MYH2: variants seen among roughly 807,000 people sequenced by gnomAD.
MYH2 encodes the protein myosin heavy chain 2, also known as myosin-2.
MYH2 carries 139 observed loss-of-function variants against 228.1 expected under a neutral mutation model. The ratio of observed to expected loss-of-function variants is 0.61; its 90% CI spans 0.53 to 0.70. The LOEUF is 0.70. Ranked by LOEUF, MYH2 falls within the 30% of genes least tolerant of loss-of-function variation. The pLI is 0.00. For synonymous variants in MYH2, 796 were observed against 871.1 expected (o/e 0.91, Z 1.52); for missense variants, 1,809 against 2,357.5 (o/e 0.77, Z 4.82).
chr17:10,539,860 C>A (rs952092971), intron 12 of MYH2, 68 bp downstream of exon 12: 2 of 1,604,210 alleles, frequency 1.2e-6, no homozygotes, highest in Admixed American at 1.7e-5. Context: ...TAGGAAAATT[C>A]CTGGGTAACA....
chr17:10,531,755 T>G lies in MYH2; in HGVS notation c.2575A>C (p.Lys859Gln). 1.2e-6 allele frequency: 2 copies of G among 1,614,206 alleles called. No individual in the cohort carries two copies. The highest frequency in any genetic ancestry group is 1.7e-6 in the Non-Finnish European group (2 of 1,180,030). ...AETEKEMATM[K>Q]EEFQKIKDEL... ...TCTTTAATTTTCTGAAATTCTTCCT[T>G]CATGGTGGCCATCTCCTTCTCAGTT... The change falls in exon 22 of 40, where the codon AAG becomes CAG. Residue 859 changes from lysine to glutamine, a missense_variant. Coordinates refer to ENST00000245503, the MANE Select transcript of MYH2 (RefSeq NM_017534.6).
rs34211843 is a variant in MYH2, at chr17:10,526,665, A to G, written c.4121T>C (p.Val1374Ala). Residue 1374 changes from valine (V) to alanine (A), a missense_variant, in exon 30 of 40, where the codon GTT (valine) becomes GCT (alanine). Around this residue, in one of 9 missense-constraint regions of MYH2, gnomAD observed 636 missense variants for 729.9 expected, o/e 0.87. Transcript: ENST00000245503. ...QRALSKANTE[V>A]AQWRTKYETD... ...CTCGTATTTGGTCCTCCATTGGGCA[A>G]CCTCGGTGTTGGCCTTGGACAGTGC... is the stretch of plus-strand genomic sequence containing the variant. 1 of 1,613,828 alleles carries G rather than the reference A, an allele frequency of 6.2e-7. No individual in the cohort carries two copies. Among genetic ancestry groups the G allele is most frequent in the Non-Finnish European group, 8.5e-7 (1 of 1,179,904 alleles).
In MYH2 at chr17:10,547,984, T is replaced by G. The variant is rs576479857; in HGVS notation, c.-20-44A>C. The G allele has an allele frequency of 4.0e-5, 60 of 1,493,664 alleles. 1 individual carries two copies. The South Asian group carries it at 6.9e-4, about 17-fold the overall frequency. The allele number at this position is 1,493,664 out of a possible 1,614,324, so 92.5% of individuals were successfully genotyped here. On this transcript the variant is annotated intron_variant, in intron 2 of 39. Transcript: ENST00000245503. ...TCACATTAGAGAGTCTGGATTGCCA[T>G]GTATACCAATAAATCTTAATATTTA...
In MYH2 at chr17:10,521,283, C is replaced by T; in HGVS notation, c.5823G>A (p.Glu1941=). 6.2e-7 allele frequency: 1 copy of T among 1,613,690 alleles called. No homozygotes were observed. The highest frequency in any genetic ancestry group is 1.1e-5 in the South Asian group (1 of 91,066). The part of the protein sequence containing the change: ...REVHTKVISE[E] ...ATTCCATGGCATCAGGACATGATCA[C>T]TCTTCACTTATGACTTTTGTGTGAA... The change falls in exon 40 of 40, where the codon GAG becomes GAA. Residue 1941 remains glutamate (E), a synonymous_variant. Transcript: ENST00000245503.
At chr17:10,528,471 C>A (rs1041148289) in intron 27 of MYH2, among the ~76,000 whole-genome samples, 1 of 152,016 alleles carries the variant, frequency 6.6e-6, no homozygotes, top group Non-Finnish European at 1.5e-5. Context: ...CTGGTGTTGT[C>A]GTTTATTAAT....
intron 12 of MYH2, 51 bp downstream of exon 12, chr17:10,539,874 TAAG>T (rs763162416): frequency 1.0e-4 from 161 of 1,611,498 alleles, no homozygotes; most frequent in Non-Finnish European, 1.3e-4. Context: ...GGTAACAAGT[TAAG>T]AATGTGATTT....
intron 28 of MYH2, among the ~76,000 whole-genome samples, chr17:10,527,327 G>T (rs2073367565): frequency 6.6e-6 from 1 of 152,146 alleles, no homozygotes; most frequent in African/African-American, 2.4e-5. Flanking sequence ...ATCTGGTGAG[G>T]ACTGTCAAAT....
chr17:10,525,689 T>C lies in MYH2; in HGVS notation c.4371+4A>G. On this transcript the variant is annotated splice_donor_region_variant and intron_variant, in intron 31 of 39. Transcript: ENST00000245503. The surrounding 1 kb of genome is among the most constrained non-coding windows in gnomAD (Gnocchi z 4.2). Reference sequence around the variant, plus strand: ...TAAAGAGCAGAAGATGCTGGAGGAATTACCTTATCGAAGTTCCTTTGCTTT... The same window carrying C: ...TAAAGAGCAGAAGATGCTGGAGGAACTACCTTATCGAAGTTCCTTTGCTTT... The C allele has an allele frequency of 6.2e-7, 1 of 1,614,158 alleles. No individual in the cohort carries two copies. The highest frequency in any genetic ancestry group is 8.5e-7 in the Non-Finnish European group (1 of 1,180,024).
At position 10,537,857 on chromosome 17, in the gene MYH2, C is replaced by A; in HGVS notation, c.1417-22G>T. ...TGAACTAAATAAATAGATATGTTTA[C>A]TTCTCTCTTAAGCAAATTGAGTATT... On this transcript the variant is annotated intron_variant, in intron 14 of 39. Coordinates refer to ENST00000245503, the MANE Select transcript of MYH2 (RefSeq NM_017534.6). This position sits in a 1 kb window ranked among gnomAD's most constrained non-coding sequence, Gnocchi z 4.0. 1 of 1,614,148 alleles carries A rather than the reference C, an allele frequency of 6.2e-7. No individual in the cohort carries two copies. The highest frequency in any genetic ancestry group is 8.5e-7 in the Non-Finnish European group (1 of 1,180,012).
At position 10,525,907 on chromosome 17, in the gene MYH2, G is replaced by C. The variant is rs892842568; in HGVS notation, c.4188-31C>G. The C allele has an allele frequency of 6.2e-7, 1 of 1,608,730 alleles. No homozygotes were observed. Among genetic ancestry groups the C allele is most frequent in the Non-Finnish European group, 8.5e-7 (1 of 1,175,660 alleles). ...ATATTATACATGTTTTCAGAGAGAAGTGAACCATAATATGAATTATGAGCT... is the reference window on the plus strand; with the variant it reads ...ATATTATACATGTTTTCAGAGAGAACTGAACCATAATATGAATTATGAGCT... On this transcript the variant is annotated intron_variant, in intron 30 of 39. Transcript: ENST00000245503. The surrounding 1 kb of genome is among the most constrained non-coding windows in gnomAD (Gnocchi z 4.2).
rs576412527 is a variant in MYH2 at position 10,537,121 on chromosome 17, G to A, written c.1897+112C>T. ...GCTGCCTATCTATTCAATACTTGGA[G>A]GAACCAGGGGCTTGGTCTGCAACCC... is the stretch of plus-strand genomic sequence containing the variant. On this transcript the variant is annotated intron_variant, in intron 16 of 39. Transcript: ENST00000245503. The surrounding 1 kb of genome is among the most constrained non-coding windows in gnomAD (Gnocchi z 4.0). 1 of 1,412,258 alleles carries A rather than the reference G, an allele frequency of 7.1e-7. No homozygotes were observed. The highest frequency in any genetic ancestry group is 1.2e-5 in the South Asian group (1 of 86,474). The allele number at this position is 1,412,258 out of a possible 1,614,324, so 87.5% of individuals were successfully genotyped here.
In MYH2 at chr17:10,522,854, C is replaced by T. The variant is rs558854562; in HGVS notation, c.5673+236G>A. ...CTTTACAACTCCGTCATACTGTGGC[C>T]GGAGAATATGGCCTGTATTATTTCT... On this transcript the variant is annotated intron_variant, in intron 39 of 39. Transcript: ENST00000245503. Among the ~76,000 whole-genome samples, 103 of 151,548 alleles carry T rather than the reference C, an allele frequency of 6.8e-4. No homozygotes were observed. In the South Asian group the frequency reaches 0.012, roughly 17 times the overall value.
intron 5 of MYH2, among the ~76,000 whole-genome samples, chr17:10,545,014 A>AGTGAGTGTGT (rs2073608458): frequency 6.6e-6 from 1 of 150,428 alleles, no homozygotes; most frequent in Non-Finnish European, 1.5e-5. Flanking sequence ...TGCGTGCATG[A>AGTGAGTGTGT]GTGTGTGTGT....
intron 25 of MYH2, 29 bp from the exon 26 acceptor site, chr17:10,529,281 T>C (rs750734443): frequency 6.2e-7 from 1 of 1,614,148 alleles, no homozygotes; most frequent in Admixed American, 1.7e-5. Flanking sequence ...AGGACAACAA[T>C]TTAGTCCGTA....
intron 14 of MYH2, among the ~76,000 whole-genome samples, chr17:10,538,780 A>C (rs1173315419): frequency 2.0e-5 from 3 of 152,182 alleles, no homozygotes; most frequent in Non-Finnish European, 2.9e-5. Context: ...AAAAAAATTA[A>C]ACTTCTTGAA....
chr17:10,543,614 T>G, intron 8 of MYH2, 97 bp downstream of exon 8: 8 of 1,516,586 alleles, frequency 5.3e-6, no homozygotes, highest in Non-Finnish European at 7.3e-6. Context: ...AATGATGTAA[T>G]AGAATGGGAA....
chr17:10,540,605 T>C lies in MYH2; in HGVS notation c.997A>G (p.Met333Val). The C allele has an allele frequency of 6.2e-7, 1 of 1,609,850 alleles. No individual in the cohort carries two copies. The highest frequency in any genetic ancestry group is 8.5e-7 in the Non-Finnish European group (1 of 1,176,106). The change falls in exon 11 of 40, where the codon ATG becomes GTG. Residue 333 changes from methionine to valine, a missense_variant. Coordinates refer to ENST00000245503, the MANE Select transcript of MYH2 (RefSeq NM_017534.6). Reference protein sequence around the residue: ...VASIDDQEELMATDSAIDILG... With the variant: ...VASIDDQEELVATDSAIDILG... ...TGTGTTCTACTTACATCTGTGGCCA[T>C]CAGTTCTTCCTGATCATCGATGCTG...
At chr17:10,532,067 A>G (rs1401296580) in intron 21 of MYH2, among the ~76,000 whole-genome samples, 179 bp from the exon 22 acceptor site, 2 of 152,154 alleles carry the variant, frequency 1.3e-5, no homozygotes, top group Non-Finnish European at 2.9e-5. Context: ...ATTTCTCTAC[A>G]TCACTGCTTC....
chr17:10,523,406 C>A lies in MYH2; in HGVS notation c.5479G>T (p.Glu1827Ter). 1 of 1,614,188 alleles carries A rather than the reference C, an allele frequency of 6.2e-7. No individual in the cohort carries two copies. The highest frequency in any genetic ancestry group is 8.5e-7 in the Non-Finnish European group (1 of 1,180,038). The change falls in exon 38 of 40, where the codon GAG (glutamate) becomes TAG (stop). Residue 1827 changes from glutamate to a stop codon, truncating the protein, a stop_gained. Coordinates refer to ENST00000245503, the MANE Select transcript of MYH2 (RefSeq NM_017534.6). LOFTEE classifies it high-confidence loss of function. The part of the protein sequence containing the change: ...QIQKLEARVR[E>*]LEGEVESEQK... ...TCACTCTCAACCTCTCCTTCCAGCT[C>A]CCGTACCTGCAAATAAGTAGGCTCT...
Sources: allele counts gnomAD v4.1 joint callset (sites outside exome capture counted in the v4.1 genomes callset), GRCh38; gene constraint gnomAD v4.1.1; regional missense constraint gnomAD v4.1.1; non-coding constraint Gnocchi (gnomAD v3.1); transcripts MANE v1.5; gene names NCBI Gene and HGNC (gene_info 2026-07-23, HGNC 2026-07-21).